Variants in CHRM2 observed in about 807,000 individuals in gnomAD.
CHRM2 encodes the protein cholinergic receptor muscarinic 2.
A neutral mutation model predicts 25.0 loss-of-function variants in CHRM2; 8 were observed. That is an observed-to-expected ratio of 0.32 (90% CI 0.19 to 0.58). The LOEUF is 0.58. Ranked by LOEUF, CHRM2 falls within the 20% of genes least tolerant of loss-of-function variation. CHRM2 has a pLI of 0.88. For synonymous variants in CHRM2, 202 were observed against 205.7 expected, an observed-to-expected ratio of 0.98 and a Z score of 0.15; for missense variants, 440 against 567.1, an observed-to-expected ratio of 0.78 and a Z score of 2.28.
chr7:137,002,195 A>G (rs1020132376), intron 3 of CHRM2, among the ~76,000 whole-genome samples: 11 of 152,126 alleles, frequency 7.2e-5, no homozygotes, highest in African/African-American at 2.7e-4. Flanking sequence ...TTCAATTAGC[A>G]AAAGAGTTTA....
At chr7:136,969,304 T>C (rs1801614397) in intron 2 of CHRM2, among the ~76,000 whole-genome samples, 1 of 152,190 alleles carries the variant, frequency 6.6e-6, no homozygotes. Flanking sequence ...TTTCTGTTTC[T>C]TTGGGTTCCA....
At chr7:136,927,612 G>T (rs2130763995) in intron 2 of CHRM2, among the ~76,000 whole-genome samples, 1 of 152,250 alleles carries the variant, frequency 6.6e-6, no homozygotes, top group South Asian at 2.1e-4. Flanking sequence ...TTTATGCCAG[G>T]ATAGACAAAT....
At chr7:136,980,458 T>G (rs906144133) in intron 2 of CHRM2, among the ~76,000 whole-genome samples, 1 of 152,232 alleles carries the variant, frequency 6.6e-6, no homozygotes, top group Non-Finnish European at 1.5e-5. Flanking sequence ...CTGATTGCCC[T>G]GGTCAGAACT....
chr7:136,931,693 C>CCGG (rs769075229), intron 2 of CHRM2, among the ~76,000 whole-genome samples: 6 of 152,176 alleles, frequency 3.9e-5, no homozygotes, highest in Non-Finnish European at 8.8e-5. Flanking sequence ...GCTTTGCTGA[C>CCGG]CTGCCATACA....
intron 2 of CHRM2, among the ~76,000 whole-genome samples, chr7:136,939,697 C>A (rs1044283094): frequency 1.4e-4 from 21 of 152,000 alleles, no homozygotes; most frequent in African/African-American, 4.8e-4. Context: ...AGAGACAGAG[C>A]TTTATGAAAA....
intron 2 of CHRM2, among the ~76,000 whole-genome samples, chr7:136,988,009 A>G (rs758159577): frequency 7.9e-5 from 12 of 151,482 alleles, no homozygotes; most frequent in Non-Finnish European, 1.3e-4. Context: ...TAAATTCACA[A>G]ATATTTCATC....
At chr7:136,941,406 C>T (rs889027020) in intron 2 of CHRM2, among the ~76,000 whole-genome samples, 1 of 152,128 alleles carries the variant, frequency 6.6e-6, no homozygotes, top group African/African-American at 2.4e-5. Flanking sequence ...TTATCAAGAA[C>T]CTACAGCTAG....
intron 3 of CHRM2, among the ~76,000 whole-genome samples, chr7:137,001,165 T>G (rs2131065815): frequency 6.6e-6 from 1 of 152,190 alleles, no homozygotes; most frequent in African/African-American, 2.4e-5. Context: ...CCTGCCCCCT[T>G]CAATGCTTGT....
At chr7:136,992,691 C>T (rs371390811) in intron 3 of CHRM2, among the ~76,000 whole-genome samples, 8 of 152,260 alleles carry the variant, frequency 5.3e-5, no homozygotes, top group Non-Finnish European at 5.9e-5. Context: ...TTTTATAGAA[C>T]GTAACTACCA....
intron 2 of CHRM2, among the ~76,000 whole-genome samples, chr7:136,978,783 T>C (rs1802283322): frequency 6.6e-6 from 1 of 152,202 alleles, no homozygotes; most frequent in Admixed American, 6.5e-5. Flanking sequence ...CATGAACTTA[T>C]TATTTTTTAT....
intron 2 of CHRM2, among the ~76,000 whole-genome samples, chr7:136,963,199 G>C (rs1801204734): frequency 6.6e-6 from 1 of 152,180 alleles, no homozygotes. Flanking sequence ...ACAGCAGGAA[G>C]CAGACACTAG....
chr7:136,953,396 G>A (rs1364659594), intron 2 of CHRM2, among the ~76,000 whole-genome samples: 3 of 152,102 alleles, frequency 2.0e-5, no homozygotes, highest in Admixed American at 6.6e-5. Flanking sequence ...GCTATTAAGT[G>A]TATAGATAGA....
chr7:136,948,347 T>A (rs752037196), intron 2 of CHRM2, among the ~76,000 whole-genome samples: 2 of 152,112 alleles, frequency 1.3e-5, no homozygotes, highest in Non-Finnish European at 2.9e-5. Flanking sequence ...AGTCATAAAG[T>A]AGAATATTAA....
chr7:136,949,882 C>T (rs1800301174), intron 2 of CHRM2, among the ~76,000 whole-genome samples: 1 of 152,022 alleles, frequency 6.6e-6, no homozygotes, highest in South Asian at 2.1e-4. Context: ...TAAGCCTGCG[C>T]TCTAAGGAAT....
intron 2 of CHRM2, among the ~76,000 whole-genome samples, chr7:136,978,162 A>G (rs540042772): frequency 3.3e-5 from 5 of 152,270 alleles, no homozygotes; most frequent in East Asian, 1.9e-4. Flanking sequence ...CCCAAACCAT[A>G]GAGCCATACA....
At chr7:136,956,834 T>C (rs1016407515) in intron 2 of CHRM2, among the ~76,000 whole-genome samples, 8 of 150,992 alleles carry the variant, frequency 5.3e-5, no homozygotes, top group Non-Finnish European at 7.4e-5. Context: ...AAGGTTTTTT[T>C]TTTCCTCTCT....
rs542793950 is a variant in CHRM2 at position 136,927,179 on chromosome 7, T to G, written c.-125+57761T>G. ...CAGCACCTACATACACAGTAAGCAC[T>G]CAATATGTATTAGTTGTTACTTTTA... On this transcript the variant is annotated intron_variant, in intron 2 of 3. Transcript: ENST00000680005. 3.9e-5 allele frequency among the ~76,000 whole-genome samples: 6 copies of G among 152,320 alleles called. No homozygotes were observed. In the South Asian group the frequency reaches 1.2e-3, roughly 32 times the overall value.
chr7:136,916,048 T>C (rs902718708), intron 2 of CHRM2, among the ~76,000 whole-genome samples: 3 of 151,854 alleles, frequency 2.0e-5, no homozygotes, highest in Non-Finnish European at 2.9e-5. Flanking sequence ...TCTAACCCCA[T>C]GGTGCAGGCC....
chr7:136,948,918 A>G (rs1022209743), intron 2 of CHRM2, among the ~76,000 whole-genome samples: 3 of 152,188 alleles, frequency 2.0e-5, no homozygotes, highest in Non-Finnish European at 4.4e-5. Context: ...GAGTGGATCC[A>G]CAGACATTTC....
Sources: gnomAD v4.1 joint callset for allele counts (sites outside exome capture counted in the v4.1 genomes callset) on GRCh38, gnomAD v4.1.1 for gene constraint, MANE v1.5 for transcripts, NCBI Gene and HGNC (gene_info 2026-07-23, HGNC 2026-07-21) for gene names.